The following PSMD1 variants were observed in gnomAD, a reference collection of about 807,000 sequenced individuals.
PSMD1 encodes the protein 26S proteasome non-ATPase regulatory subunit 1.
In PSMD1, 18 loss-of-function variants were observed where a neutral mutation model predicts 119.0. The ratio of observed to expected loss-of-function variants is 0.15; its 90% CI spans 0.10 to 0.22. The LOEUF (loss-of-function observed/expected upper bound fraction) is 0.22, where lower values mean the gene tolerates loss of function less well. Ranked by LOEUF, PSMD1 falls within the 10% of genes least tolerant of loss-of-function variation. The pLI, the probability that PSMD1 is intolerant of heterozygous loss-of-function variation, is 1.00. For missense variants in PSMD1, 702 were observed against 1,158.5 expected (o/e 0.61, Z 5.72); for synonymous variants, 374 against 396.6 (o/e 0.94, Z 0.68).
In PSMD1 at chr2:231,069,985, A is replaced by G. The variant is rs1012107022; in HGVS notation, c.511-40A>G. On this transcript the variant is annotated intron_variant, in intron 5 of 24. Transcript: ENST00000308696. ...ATTTCTAAATAAATATAATGCTGCA[A>G]TAACCAGATAACGTTATATCTTTAA... is the stretch of plus-strand genomic sequence containing the variant. 2.8e-5 allele frequency: 37 copies of G among 1,312,180 alleles called. No individual in the cohort carries two copies. In the Admixed American group the frequency reaches 1.0e-3, roughly 37 times the overall value. 81.3% of individuals were successfully genotyped at this position (1,312,180 alleles called of 1,614,324 possible). A position where few individuals can be genotyped will look rare whatever the true frequency, so the allele number is the denominator to read the frequency against.
At chr2:231,108,997 G>A in intron 16 of PSMD1, 5 of 1,614,212 alleles carry the variant, frequency 3.1e-6, no homozygotes, top group Non-Finnish European at 3.4e-6. Context: ...GGACCTTTGA[G>A]GCTCTCTGTT....
At chr2:231,100,019 T>C (rs1428899202) in intron 16 of PSMD1, among the ~76,000 whole-genome samples, 1 of 152,192 alleles carries the variant, frequency 6.6e-6, no homozygotes, top group Non-Finnish European at 1.5e-5. Context: ...TCTGCGTTGC[T>C]GAGAGCTCGG....
chr2:231,167,583 C>T (rs1461085651), intron 23 of PSMD1, among the ~76,000 whole-genome samples: 1 of 152,162 alleles, frequency 6.6e-6, no homozygotes, highest in Non-Finnish European at 1.5e-5. Flanking sequence ...CACACACACA[C>T]TCCTTCAAAG....
chr2:231,113,498 A>T (rs553370521), intron 16 of PSMD1, among the ~76,000 whole-genome samples: 13 of 152,374 alleles, frequency 8.5e-5, no homozygotes, highest in Middle Eastern at 3.4e-3. Flanking sequence ...AACACTGTGC[A>T]GATGGTTCTT....
Position 231,080,233 on chromosome 2 carries a change from T to C in PSMD1, c.1332T>C (p.Tyr444=). ...GSAYQEGGGL[Y]ALGLIHANHG... is the part of the protein sequence containing the mutation. ...CCTATCAGGAAGGTGGAGGTCTCTA[T>C]GCACTAGGTCTTATTCATGCCAATC... is the stretch of plus-strand genomic sequence containing the variant. Residue 444 remains tyrosine (Y), a synonymous_variant, in exon 12 of 25, where the codon TAT becomes TAC. Coordinates refer to ENST00000308696, the MANE Select transcript of PSMD1 (RefSeq NM_002807.4). The C allele has an allele frequency of 6.2e-7, 1 of 1,613,294 alleles. No homozygotes were observed. Among genetic ancestry groups the C allele is most frequent in the Non-Finnish European group, 8.5e-7 (1 of 1,179,198 alleles).
intron 16 of PSMD1, chr2:231,109,364 T>G (rs1695080163): frequency 6.2e-7 from 1 of 1,614,024 alleles, no homozygotes; most frequent in Non-Finnish European, 8.5e-7. Context: ...GTTTGGGTTG[T>G]CCACATCAGT....
At chr2:231,141,702 A>C (rs561981580) in intron 17 of PSMD1, among the ~76,000 whole-genome samples, 18 of 152,024 alleles carry the variant, frequency 1.2e-4, no homozygotes, top group Non-Finnish European at 2.4e-4. Context: ...TCTTTGCCGA[A>C]ATGTAAGATC....
At position 231,122,003 on chromosome 2, in the gene PSMD1, C is replaced by T. The variant is rs1318275641; in HGVS notation, c.1884-16733C>T. On this transcript the variant is annotated intron_variant, in intron 16 of 24. Transcript: ENST00000308696. ...TATCAAATATGCATATATATTTCTA[C>T]ATAATACTTTCTTTTAAGCTTTATT... 3.5e-5 allele frequency among the ~76,000 whole-genome samples: 5 copies of T among 143,192 alleles called. No homozygotes were observed. The East Asian group carries it at 9.9e-4, about 28-fold the overall frequency. The allele number at this position is 143,192 out of a possible 152,430, so 93.9% of individuals were successfully genotyped here.
intron 17 of PSMD1, among the ~76,000 whole-genome samples, chr2:231,145,254 T>C (rs910544275): frequency 5.9e-5 from 9 of 152,364 alleles, no homozygotes; most frequent in African/African-American, 1.9e-4. Context: ...ATAGTTATGG[T>C]CTGTTGCTTC....
rs1559237590 is a variant in PSMD1, at chr2:231,116,976, AAG to A, written c.1884-21757_1884-21756del. ...CCTTATATACAACACAAAAAAGAAA[AAG>A]AGGCTTTTTTAAATGCCTAATATAT... On this transcript the variant is annotated intron_variant, in intron 16 of 24. Transcript: ENST00000308696. 2.0e-5 allele frequency among the ~76,000 whole-genome samples: 3 copies of A among 152,032 alleles called. 1 individual carries two copies. Among genetic ancestry groups the A allele is most frequent in the South Asian group, 4.1e-4 (2 of 4,832 alleles).
rs1037116603 is a variant in PSMD1, at chr2:231,139,131, T to G, written c.1998+281T>G. ...TCTGGGTTTTTTGTTTTTGTTTTTT[T>G]TGTTTGTTTATTTGTTTTGAAACGG... On this transcript the variant is annotated intron_variant, in intron 17 of 24. Transcript: ENST00000308696. The G allele has an allele frequency of 3.2e-5, 14 of 434,874 alleles. No homozygotes were observed. In the Admixed American group the frequency reaches 4.1e-4, roughly 13 times the overall value. The allele number at this position is 434,874 out of a possible 1,614,324, so 26.9% of individuals were successfully genotyped here. A position where few individuals can be genotyped will look rare whatever the true frequency, so the allele number is the denominator to read the frequency against.
chr2:231,080,540 C>T (rs915883942), intron 12 of PSMD1, among the ~76,000 whole-genome samples: 3 of 151,850 alleles, frequency 2.0e-5, no homozygotes, highest in African/African-American at 4.8e-5. Flanking sequence ...ATGTTGTTTT[C>T]CCACACTTTC....
chr2:231,159,675 A>G (rs926271437), intron 19 of PSMD1, among the ~76,000 whole-genome samples: 7 of 152,196 alleles, frequency 4.6e-5, no homozygotes, highest in East Asian at 3.9e-4. Flanking sequence ...GCTCTCCCCA[A>G]CTGATGGCTT....
chr2:231,108,663 G>A (rs370619034), intron 16 of PSMD1: 35 of 1,613,918 alleles, frequency 2.2e-5, no homozygotes, highest in Non-Finnish European at 2.5e-5. Context: ...ATCCCATTTC[G>A]AATTCCATGT....
intron 8 of PSMD1, among the ~76,000 whole-genome samples, chr2:231,076,449 C>T (rs1694169113): frequency 6.6e-6 from 1 of 152,144 alleles, no homozygotes; most frequent in African/African-American, 2.4e-5. Context: ...GGTGGATCAC[C>T]TGAGGTCAGG....
chr2:231,083,483 C>G, intron 13 of PSMD1, 84 bp from the exon 14 acceptor site: 2 of 1,424,624 alleles, frequency 1.4e-6, no homozygotes, highest in East Asian at 2.3e-5. Context: ...ATAGTTTATG[C>G]AAAAAGAGTG....
At chr2:231,079,091 G>A (rs981010910) in intron 10 of PSMD1, among the ~76,000 whole-genome samples, 4 of 152,034 alleles carry the variant, frequency 2.6e-5, no homozygotes, top group South Asian at 2.1e-4. Context: ...CACCGCACCC[G>A]GCCTAAAATC....
intron 21 of PSMD1, 122 bp downstream of exon 21, chr2:231,163,849 A>G: frequency 2.8e-6 from 2 of 712,462 alleles, no homozygotes; most frequent in South Asian, 4.1e-5. Flanking sequence ...AACATTTGAC[A>G]TTACACAAGA....
intron 2 of PSMD1, among the ~76,000 whole-genome samples, chr2:231,061,520 C>G (rs946548418): frequency 6.6e-6 from 1 of 152,068 alleles, no homozygotes; most frequent in African/African-American, 2.4e-5. Flanking sequence ...AACCTCGTTA[C>G]GACACTTGAA....
Sources: gnomAD v4.1 joint callset for allele counts (sites outside exome capture counted in the v4.1 genomes callset) on GRCh38, gnomAD v4.1.1 for gene constraint, MANE v1.5 for transcripts, NCBI Gene and HGNC (gene_info 2026-07-23, HGNC 2026-07-21) for gene names.